Variants in SOX6 observed in about 807,000 individuals in gnomAD.
The protein encoded by SOX6 is transcription factor SOX-6.
Under a neutral mutation model 97.8 loss-of-function variants are expected in SOX6, and 11 were observed. That is an observed-to-expected ratio of 0.11 (90% confidence interval 0.07 to 0.19). The LOEUF is 0.19. Among genes scored for constraint, SOX6 ranks in the 10% least tolerant of loss-of-function variants. SOX6 has a pLI of 1.00. For synonymous variants in SOX6, 360 were observed against 371.4 expected, an observed-to-expected ratio of 0.97 and a Z score of 0.35; for missense variants, 810 against 1,039.5, an observed-to-expected ratio of 0.78 and a Z score of 3.04.
chr11:16,170,044 C>T (rs1850991555), intron 6 of SOX6, among the ~76,000 whole-genome samples: 1 of 152,036 alleles, frequency 6.6e-6, no homozygotes, highest in South Asian at 2.1e-4. Context: ...AAGAATGCTT[C>T]CTCCTGTGTT....
At chr11:16,410,186 T>TA (rs939123671) in intron 1 of SOX6, among the ~76,000 whole-genome samples, 1 of 152,204 alleles carries the variant, frequency 6.6e-6, no homozygotes, top group African/African-American at 2.4e-5. Flanking sequence ...TAAATACATA[T>TA]AATTATAATT....
intron 3 of SOX6, among the ~76,000 whole-genome samples, chr11:16,714,544 C>T (rs906285510): frequency 3.3e-5 from 5 of 151,146 alleles, no homozygotes; most frequent in South Asian, 2.1e-4. Flanking sequence ...CTCCGCCTCC[C>T]GGGTTCAAGC....
At chr11:16,675,356 G>A (rs965659113) in intron 3 of SOX6, among the ~76,000 whole-genome samples, 2 of 152,054 alleles carry the variant, frequency 1.3e-5, no homozygotes, top group Non-Finnish European at 2.9e-5. Context: ...TCATTATGTT[G>A]CCCAGGCTGA....
chr11:16,193,355 G>A (rs541347470), intron 4 of SOX6, among the ~76,000 whole-genome samples: 6 of 152,136 alleles, frequency 3.9e-5, no homozygotes, highest in Admixed American at 2.0e-4. Context: ...CTGGGCGACA[G>A]GGTGAGATCC....
Position 15,971,347 on chromosome 11 carries a change from G to A in SOX6, c.*1462C>T, listed in dbSNP as rs1053893899. 1 of 152,662 alleles carries A rather than the reference G, an allele frequency of 6.6e-6. No individual in the cohort carries two copies. Among genetic ancestry groups the A allele is most frequent in the Non-Finnish European group, 1.5e-5 (1 of 68,054 alleles). 9.5% of individuals were successfully genotyped at this position (152,662 alleles called of 1,614,324 possible). A position where few individuals can be genotyped will look rare whatever the true frequency, so the allele number is the denominator to read the frequency against. On this transcript the variant is annotated 3_prime_UTR_variant, in exon 16 of 16. Transcript: ENST00000683767. ...GTGCCAGCTGGGACAAGGCAACTCA[G>A]TGTAAAGGTGCCAGCCCATGACAGC...
intron 4 of SOX6, among the ~76,000 whole-genome samples, chr11:16,194,443 G>C (rs1303622699): frequency 2.0e-5 from 3 of 152,212 alleles, no homozygotes; most frequent in Non-Finnish European, 4.4e-5. Flanking sequence ...AATAAATGCA[G>C]CAATTGTGCT....
rs188612118 is a variant in SOX6 at position 16,733,493 on chromosome 11, C to T, written n.353+2846G>A. 7.6e-4 allele frequency among the ~76,000 whole-genome samples: 114 copies of T among 150,222 alleles called. 1 individual carries two copies. The highest frequency in any genetic ancestry group is 3.7e-3 in the Admixed American group (55 of 14,868). ...ATCACAAGAATAGAAAAACCAAACA[C>T]GACATGTTCCCACTCATAAGCGGCA... On this transcript the variant is annotated intron_variant and non_coding_transcript_variant, in intron 2 of 5. Transcript: ENST00000524520.
At chr11:16,433,487 T>G (rs768965140) in intron 1 of SOX6, among the ~76,000 whole-genome samples, 1 of 152,160 alleles carries the variant, frequency 6.6e-6, no homozygotes, top group African/African-American at 2.4e-5. Flanking sequence ...GAATATGACC[T>G]ATAAAAATGC....
chr11:16,006,083 G>A (rs1268041938), intron 13 of SOX6, among the ~76,000 whole-genome samples: 1 of 151,944 alleles, frequency 6.6e-6, no homozygotes, highest in Non-Finnish European at 1.5e-5. Flanking sequence ...GAGGAGAGGA[G>A]GAAAGGAATT....
intron 3 of SOX6, among the ~76,000 whole-genome samples, chr11:16,660,797 A>T (rs1564862194): frequency 6.6e-6 from 1 of 152,198 alleles, no homozygotes; most frequent in African/African-American, 2.4e-5. Flanking sequence ...GGTGCCATGT[A>T]TGAGGAATGG....
chr11:16,527,501 G>A (rs1462853472), intron 4 of SOX6, among the ~76,000 whole-genome samples: 1 of 152,090 alleles, frequency 6.6e-6, no homozygotes, highest in Non-Finnish European at 1.5e-5. Context: ...AACACATGTG[G>A]TAGGTTGTAT....
intron 4 of SOX6, among the ~76,000 whole-genome samples, chr11:16,601,488 T>C (rs1205419458): frequency 6.6e-6 from 1 of 152,150 alleles, no homozygotes; most frequent in Non-Finnish European, 1.5e-5. Context: ...TATACTTTCA[T>C]AGAAAGTTGT....
intron 4 of SOX6, among the ~76,000 whole-genome samples, chr11:16,561,211 G>A (rs1317335107): frequency 3.9e-5 from 6 of 152,126 alleles, no homozygotes; most frequent in Non-Finnish European, 2.9e-5. Flanking sequence ...ATCATGTACA[G>A]AATCATGTTG....
chr11:16,094,574 A>G (rs2133972047), intron 9 of SOX6, among the ~76,000 whole-genome samples: 1 of 151,992 alleles, frequency 6.6e-6, no homozygotes, highest in South Asian at 2.1e-4. Flanking sequence ...GGCATTTAAA[A>G]GCTCTCAAGC....
At chr11:15,974,249 T>C (rs1027232233) in intron 15 of SOX6, among the ~76,000 whole-genome samples, 1 of 152,122 alleles carries the variant, frequency 6.6e-6, no homozygotes, top group African/African-American at 2.4e-5. Context: ...TGGACAATTC[T>C]TACTCACCCT....
intron 1 of SOX6, among the ~76,000 whole-genome samples, chr11:16,429,186 C>T (rs185134249): frequency 2.8e-4 from 42 of 152,106 alleles, no homozygotes; most frequent in African/African-American, 4.3e-4. Flanking sequence ...CAGATATTGG[C>T]GAAGTTGTGG....
At chr11:16,328,260 T>C (rs895815601) in intron 2 of SOX6, among the ~76,000 whole-genome samples, 11 of 152,160 alleles carry the variant, frequency 7.2e-5, no homozygotes, top group African/African-American at 2.4e-4. Flanking sequence ...TTCACTATGG[T>C]ATATATTCTC....
At chr11:16,040,450 T>C (rs1433836125) in intron 12 of SOX6, among the ~76,000 whole-genome samples, 1 of 152,080 alleles carries the variant, frequency 6.6e-6, no homozygotes, top group Non-Finnish European at 1.5e-5. Flanking sequence ...CCAATGTTAT[T>C]AGTTCAAATG....
chr11:16,672,850 A>C (rs1464247814), intron 3 of SOX6, among the ~76,000 whole-genome samples: 1 of 152,238 alleles, frequency 6.6e-6, no homozygotes, highest in Non-Finnish European at 1.5e-5. Context: ...AAGCAAATGG[A>C]AATCAGAAAA....
Sources: allele counts gnomAD v4.1 joint callset (sites outside exome capture counted in the v4.1 genomes callset), GRCh38; gene constraint gnomAD v4.1.1; transcripts MANE v1.5; gene names NCBI Gene and HGNC (gene_info 2026-07-23, HGNC 2026-07-21).